The following DTNA variants were observed in gnomAD, a reference collection of about 807,000 sequenced individuals.
The protein encoded by DTNA is dystrophin-related protein 3.
In DTNA, 43 loss-of-function variants were observed where a neutral mutation model predicts 100.7. The observed-to-expected ratio is 0.43, with a 90% CI of 0.33 to 0.55. DTNA has a LOEUF of 0.55. DTNA is among the 20% of genes least tolerant of loss of function. The pLI, the probability that DTNA is intolerant of heterozygous loss-of-function variation, is 0.04. For missense variants in DTNA, 798 were observed against 953.9 expected (o/e 0.84, Z 2.15); for synonymous variants, 349 against 347.9 (o/e 1.00, Z -0.04).
At chr18:34,764,180 C>T (rs2148442734) in intron 2 of DTNA, among the ~76,000 whole-genome samples, 1 of 152,048 alleles carries the variant, frequency 6.6e-6, no homozygotes, top group South Asian at 2.1e-4. Context: ...TTAAGGGGCC[C>T]ATTTACTGTT....
intron 1 of DTNA, among the ~76,000 whole-genome samples, chr18:34,519,874 A>T (rs577215060): frequency 4.8e-4 from 73 of 152,330 alleles, no homozygotes; most frequent in Non-Finnish European, 9.7e-4. Context: ...CTCAAGTCAC[A>T]TGATTTGCTG....
intron 1 of DTNA, among the ~76,000 whole-genome samples, chr18:34,730,386 T>C (rs2087807521): frequency 6.6e-6 from 1 of 152,200 alleles, no homozygotes; most frequent in Non-Finnish European, 1.5e-5. Context: ...TACACAGTTG[T>C]TGGGGGCTCT....
intron 1 of DTNA, among the ~76,000 whole-genome samples, chr18:34,606,200 AT>A (rs963331021): frequency 6.6e-6 from 1 of 151,706 alleles, no homozygotes; most frequent in Admixed American, 6.6e-5. Context: ...GGAGGGCTCT[AT>A]TTTTTTTACC....
At chr18:34,664,317 TTAAAAA>T (rs1377718235) in intron 1 of DTNA, among the ~76,000 whole-genome samples, 1 of 152,118 alleles carries the variant, frequency 6.6e-6, no homozygotes, top group African/African-American at 2.4e-5. Context: ...TTCTATTTTA[TTAAAAA>T]TATATTATTT....
chr18:34,826,899 T>C (rs551217906), intron 9 of DTNA, among the ~76,000 whole-genome samples: 13 of 152,300 alleles, frequency 8.5e-5, no homozygotes, highest in African/African-American at 2.4e-4. Context: ...ACAGACTCCA[T>C]GCAGTTGGTG....
chr18:34,705,041 G>A (rs555686918), intron 1 of DTNA, among the ~76,000 whole-genome samples: 25 of 152,110 alleles, frequency 1.6e-4, no homozygotes, highest in South Asian at 8.3e-4. Flanking sequence ...AAAGCACATG[G>A]ATTTTCTTCT....
chr18:34,601,333 T>C (rs1025491110), intron 1 of DTNA, among the ~76,000 whole-genome samples: 1 of 152,204 alleles, frequency 6.6e-6, no homozygotes, highest in African/African-American at 2.4e-5. Context: ...AAAGGGGTTG[T>C]AACTTTTGGG....
At chr18:34,636,529 A>G (rs772453698) in intron 1 of DTNA, among the ~76,000 whole-genome samples, 1 of 152,242 alleles carries the variant, frequency 6.6e-6, no homozygotes, top group Non-Finnish European at 1.5e-5. Flanking sequence ...GAACTCTCTC[A>G]ATTCTTGTGG....
chr18:34,724,309 G>T (rs956768389), intron 1 of DTNA, among the ~76,000 whole-genome samples: 14 of 152,166 alleles, frequency 9.2e-5, no homozygotes, highest in Non-Finnish European at 2.1e-4. Flanking sequence ...ACAGGAAAAT[G>T]AATAGCTAAA....
intron 1 of DTNA, among the ~76,000 whole-genome samples, chr18:34,601,075 G>A (rs114379747): frequency 1.3e-3 from 192 of 152,074 alleles, no homozygotes; most frequent in African/African-American, 4.3e-3. Context: ...GCTTTGCCTA[G>A]GGCAGGAAAG....
chr18:34,499,683 G>A (rs2039680535), intron 1 of DTNA, among the ~76,000 whole-genome samples: 1 of 152,130 alleles, frequency 6.6e-6, no homozygotes, highest in Admixed American at 6.5e-5. Flanking sequence ...TAGGTGTGTA[G>A]CAATATTTCA....
At chr18:34,538,488 C>A (rs990129234) in intron 1 of DTNA, among the ~76,000 whole-genome samples, 1 of 151,978 alleles carries the variant, frequency 6.6e-6, no homozygotes, top group African/African-American at 2.4e-5. Context: ...TGGATTCTGA[C>A]CAGTAGAATC....
chr18:34,519,006 A>C (rs1309710341), intron 1 of DTNA, among the ~76,000 whole-genome samples: 2 of 152,094 alleles, frequency 1.3e-5, no homozygotes, highest in African/African-American at 4.8e-5. Flanking sequence ...AAAGGAGTGA[A>C]TAGATCTGAG....
At chr18:34,753,357 A>AT (rs869151386) in intron 1 of DTNA, among the ~76,000 whole-genome samples, 23 of 2,024 alleles carry the variant, frequency 0.011, no homozygotes, top group South Asian at 0.12. Flanking sequence ...TTATTTATTT[A>AT]TTTATTTTAT....
intron 1 of DTNA, among the ~76,000 whole-genome samples, chr18:34,661,302 T>G (rs1317322340): frequency 6.6e-6 from 1 of 152,212 alleles, no homozygotes; most frequent in Non-Finnish European, 1.5e-5. Flanking sequence ...AGTGGATACG[T>G]TGATCATTCA....
chr18:34,798,868 G>A (rs758295553), intron 4 of DTNA, among the ~76,000 whole-genome samples: 1 of 152,070 alleles, frequency 6.6e-6, no homozygotes, highest in Non-Finnish European at 1.5e-5. Context: ...TAAATAATTT[G>A]CAGGTCATAC....
At chr18:34,631,346 T>C (rs1181907472) in intron 1 of DTNA, among the ~76,000 whole-genome samples, 1 of 152,196 alleles carries the variant, frequency 6.6e-6, no homozygotes, top group Non-Finnish European at 1.5e-5. Context: ...GAAAGCCCTA[T>C]ATAAGGATTA....
At chr18:34,559,634 A>C (rs1160481834) in intron 1 of DTNA, among the ~76,000 whole-genome samples, 2 of 152,222 alleles carry the variant, frequency 1.3e-5, no homozygotes, top group Non-Finnish European at 2.9e-5. Flanking sequence ...CATATAATGA[A>C]GAGCTTTAAA....
chr18:34,507,160 A>T (rs2040573464), intron 1 of DTNA, among the ~76,000 whole-genome samples: 1 of 152,072 alleles, frequency 6.6e-6, no homozygotes, highest in African/African-American at 2.4e-5. Flanking sequence ...CCCTCCTGGA[A>T]AGCCATTACT....
Sources: gnomAD v4.1 joint callset for allele counts (sites outside exome capture counted in the v4.1 genomes callset) on GRCh38, gnomAD v4.1.1 for gene constraint, MANE v1.5 for transcripts, NCBI Gene and HGNC (gene_info 2026-07-23, HGNC 2026-07-21) for gene names.